The following EPB41L2 variants were observed in gnomAD, a reference collection of about 807,000 sequenced individuals.
The protein encoded by EPB41L2 is band 4.1-like protein 2.
EPB41L2 carries 43 observed loss-of-function variants against 113.0 expected under a neutral mutation model. The ratio of observed to expected loss-of-function variants is 0.38; its 90% CI spans 0.30 to 0.49. The LOEUF (loss-of-function observed/expected upper bound fraction) is 0.49. Among genes scored for constraint, EPB41L2 ranks in the 20% least tolerant of loss-of-function variants. EPB41L2 has a pLI of 0.95. For synonymous variants in EPB41L2, 442 were observed against 436.7 expected (o/e 1.01, Z -0.15); for missense variants, 1,147 against 1,223.4 (o/e 0.94, Z 0.93).
intron 19 of EPB41L2, among the ~76,000 whole-genome samples, chr6:130,841,844 G>A (rs1775618490): frequency 6.6e-6 from 1 of 152,208 alleles, no homozygotes; most frequent in South Asian, 2.1e-4. Flanking sequence ...AGTCTCATGT[G>A]AGCATAGGAA....
At position 131,008,096 on chromosome 6, in the gene EPB41L2, G is replaced by C. The variant is rs529917053; in HGVS notation, c.-14-51597C>G. 5.2e-4 allele frequency among the ~76,000 whole-genome samples: 79 copies of C among 152,380 alleles called. 1 individual carries two copies. Among genetic ancestry groups the C allele is most frequent in the South Asian group, 4.6e-3 (22 of 4,830 alleles). On this transcript the variant is annotated intron_variant, in intron 1 of 19. Coordinates refer to ENST00000337057, the MANE Select transcript of EPB41L2 (RefSeq NM_001431.4). ...AAAAATGTCTCCAGGGTATGTGAGA[G>C]ACCTTCACAGCAGGTGCTTCCCGTC... is the stretch of plus-strand genomic sequence containing the variant.
At chr6:130,908,783 A>G (rs1328387298) in intron 5 of EPB41L2, 38 bp downstream of exon 5, 7 of 1,491,088 alleles carry the variant, frequency 4.7e-6, no homozygotes, top group South Asian at 1.2e-5. Context: ...AGATATCAAG[A>G]CACCTTAACT....
chr6:130,983,820 T>C (rs1779917521), intron 1 of EPB41L2, among the ~76,000 whole-genome samples: 1 of 152,182 alleles, frequency 6.6e-6, no homozygotes, highest in Admixed American at 6.5e-5. Flanking sequence ...TGGGATACCA[T>C]GCCCAGCCTG....
intron 1 of EPB41L2, among the ~76,000 whole-genome samples, chr6:131,055,913 G>A (rs1797494427): frequency 6.6e-6 from 1 of 152,072 alleles, no homozygotes; most frequent in Non-Finnish European, 1.5e-5. Context: ...TACTTACAAT[G>A]GAACCTAGAA....
At chr6:130,946,766 A>C (rs1812977627) in intron 3 of EPB41L2, among the ~76,000 whole-genome samples, 1 of 152,212 alleles carries the variant, frequency 6.6e-6, no homozygotes, top group African/African-American at 2.4e-5. Context: ...TAGGAAGCAG[A>C]GATGATGTTC....
At chr6:130,949,648 G>A (rs1814152807) in intron 3 of EPB41L2, among the ~76,000 whole-genome samples, 1 of 151,854 alleles carries the variant, frequency 6.6e-6, no homozygotes, top group Non-Finnish European at 1.5e-5. Context: ...AGACCCAAAT[G>A]GGATAGGACG....
At chr6:130,972,113 C>T (rs1465748717) in intron 1 of EPB41L2, among the ~76,000 whole-genome samples, 1 of 152,100 alleles carries the variant, frequency 6.6e-6, no homozygotes, top group East Asian at 1.9e-4. Flanking sequence ...CACTTGAGAT[C>T]AAGAGTTCTA....
At chr6:130,876,890 T>C (rs765490283) in intron 14 of EPB41L2, 42 of 378,458 alleles carry the variant, frequency 1.1e-4, no homozygotes, top group Non-Finnish European at 1.5e-4. Context: ...CCAGGAGAAG[T>C]GGCACATAAT....
At chr6:130,955,071 A>C in intron 3 of EPB41L2, 34 bp downstream of exon 3, 2 of 1,582,782 alleles carry the variant, frequency 1.3e-6, no homozygotes, top group Non-Finnish European at 1.7e-6. Context: ...CAATCCACAT[A>C]TCAAGCTAGC....
intron 14 of EPB41L2, 44 bp from the exon 15 acceptor site, chr6:130,870,170 T>G: frequency 6.4e-7 from 1 of 1,564,574 alleles, no homozygotes; most frequent in East Asian, 2.3e-5. Context: ...AATATATGAA[T>G]AAATAAAAAC....
intron 4 of EPB41L2, among the ~76,000 whole-genome samples, chr6:130,917,908 A>C (rs987668628): frequency 6.6e-5 from 10 of 152,202 alleles, no homozygotes; most frequent in African/African-American, 2.4e-4. Context: ...GGTAAGAGAA[A>C]TTAACAAATT....
At chr6:130,888,408 ATT>A (rs1281327322) in intron 11 of EPB41L2, among the ~76,000 whole-genome samples, 1 of 152,194 alleles carries the variant, frequency 6.6e-6, no homozygotes, top group African/African-American at 2.4e-5. Context: ...TGGAAAAATC[ATT>A]GTTTTCAGAT....
At chr6:131,032,318 C>T (rs767503708) in intron 1 of EPB41L2, among the ~76,000 whole-genome samples, 2 of 151,210 alleles carry the variant, frequency 1.3e-5, no homozygotes, top group Non-Finnish European at 2.9e-5. Flanking sequence ...TTTCAGCTCC[C>T]GAGAATGTAA....
intron 1 of EPB41L2, among the ~76,000 whole-genome samples, chr6:130,999,000 T>A (rs1313882200): frequency 6.6e-6 from 1 of 152,132 alleles, no homozygotes; most frequent in East Asian, 1.9e-4. Context: ...AAGCTATCAT[T>A]CTGGAGGTAA....
intron 1 of EPB41L2, among the ~76,000 whole-genome samples, chr6:131,046,078 A>ATTT (rs36055181): frequency 1.6e-5 from 2 of 123,962 alleles, no homozygotes; most frequent in Admixed American, 8.2e-5. Flanking sequence ...TCCGAAGCTA[A>ATTT]TTTTTTTTTT....
At chr6:130,916,911 T>C (rs762291316) in intron 4 of EPB41L2, among the ~76,000 whole-genome samples, 2 of 152,228 alleles carry the variant, frequency 1.3e-5, no homozygotes, top group Non-Finnish European at 2.9e-5. Flanking sequence ...AAGCTCAATA[T>C]AGAGAGACAT....
At chr6:130,899,212 C>T (rs994554508) in intron 8 of EPB41L2, among the ~76,000 whole-genome samples, 2 of 147,030 alleles carry the variant, frequency 1.4e-5, no homozygotes, top group East Asian at 1.9e-4. Context: ...CCAGGATAAG[C>T]GGTGAAAAAA....
intron 19 of EPB41L2, among the ~76,000 whole-genome samples, chr6:130,848,197 TCTCACACACACA>T (rs1554229049): frequency 0.095 from 12,108 of 127,426 alleles, 748 homozygotes; most frequent in African/African-American, 0.2. Context: ...TCTCTCTCTC[TCTCACACACACA>T]CACACACACA....
At chr6:130,912,357 C>T (rs1255608561) in intron 4 of EPB41L2, among the ~76,000 whole-genome samples, 5 of 152,162 alleles carry the variant, frequency 3.3e-5, no homozygotes, top group Admixed American at 2.0e-4. Context: ...AATGGTATAA[C>T]GGAACATTAA....
Sources: allele counts gnomAD v4.1 joint callset (sites outside exome capture counted in the v4.1 genomes callset), GRCh38; gene constraint gnomAD v4.1.1; transcripts MANE v1.5; gene names NCBI Gene and HGNC (gene_info 2026-07-23, HGNC 2026-07-21).